PTPN4: variants seen among roughly 807,000 people sequenced by gnomAD.
PTPN4 encodes protein tyrosine phosphatase non-receptor type 4, also known as tyrosine-protein phosphatase non-receptor type 4.
A neutral mutation model predicts 135.5 loss-of-function variants in PTPN4; 49 were observed. The observed-to-expected ratio is 0.36, with a 90% CI of 0.29 to 0.46. The LOEUF is 0.46. PTPN4 is among the 20% of genes least tolerant of loss of function. PTPN4 has a pLI of 1.00. For synonymous variants in PTPN4, 333 were observed against 369.9 expected, an observed-to-expected ratio of 0.90 and a Z score of 1.14; for missense variants, 860 against 1,101.0, an observed-to-expected ratio of 0.78 and a Z score of 3.10.
intron 26 of PTPN4, among the ~76,000 whole-genome samples, chr2:119,976,059 G>A (rs1444483888): frequency 5.4e-5 from 8 of 148,592 alleles, no homozygotes; most frequent in African/African-American, 1.0e-4. Flanking sequence ...ACAGTGGCGC[G>A]ATCTCGGCTC....
intron 2 of PTPN4, among the ~76,000 whole-genome samples, chr2:119,817,930 A>G (rs1384745649): frequency 6.6e-6 from 1 of 152,076 alleles, no homozygotes; most frequent in Non-Finnish European, 1.5e-5. Flanking sequence ...GCGGTTGTGA[A>G]TGGGAGTTCA....
At chr2:119,807,652 C>T (rs951891377) in intron 1 of PTPN4, among the ~76,000 whole-genome samples, 7 of 152,190 alleles carry the variant, frequency 4.6e-5, no homozygotes, top group African/African-American at 9.6e-5. Context: ...AGTTACAAAG[C>T]GGAGCTCGTA....
chr2:119,802,407 G>A (rs1378553544), intron 1 of PTPN4, among the ~76,000 whole-genome samples: 1 of 152,132 alleles, frequency 6.6e-6, no homozygotes, highest in Non-Finnish European at 1.5e-5. Context: ...AGTTTTCTAA[G>A]AATTTTTTAT....
At chr2:119,873,176 T>TG (rs1346867077) in intron 3 of PTPN4, among the ~76,000 whole-genome samples, 2 of 151,930 alleles carry the variant, frequency 1.3e-5, no homozygotes, top group Non-Finnish European at 2.9e-5. Context: ...TGGGTTTTTT[T>TG]TTTTTGTTGT....
At chr2:119,942,722 A>G (rs967510004) in intron 15 of PTPN4, among the ~76,000 whole-genome samples, 1 of 152,146 alleles carries the variant, frequency 6.6e-6, no homozygotes, top group African/African-American at 2.4e-5. Context: ...GCCTTTTAAA[A>G]ATGTTGCATC....
At chr2:119,946,872 C>T (rs1023562391) in intron 18 of PTPN4, among the ~76,000 whole-genome samples, 10 of 151,990 alleles carry the variant, frequency 6.6e-5, no homozygotes, top group African/African-American at 2.2e-4. Context: ...GGTATAGTTT[C>T]GTGGGGGTTT....
At position 119,976,989 on chromosome 2, in the gene PTPN4, A is replaced by G. The variant is rs1679627240; in HGVS notation, c.2700A>G (p.Gln900=). ...TTTTATATTTTATTTTTCAGAGTCA[A>G]TACAGATTTGTATGTGAAGCTATTT... The part of the protein sequence containing the change: ...QRAMMIQTPS[Q]YRFVCEAILK... Residue 900 remains glutamine (Q), a synonymous_variant, in exon 27 of 27, where the codon CAA becomes CAG. Transcript: ENST00000263708. The G allele has an allele frequency of 4.4e-6, 7 of 1,607,216 alleles. No homozygotes were observed. Among genetic ancestry groups the G allele is most frequent in the Non-Finnish European group, 4.2e-6 (5 of 1,178,268 alleles).
In PTPN4 at chr2:119,914,248, A is replaced by ATTTTTTTTTTTTTTTTTTTTTTT. The variant is rs55911315; in HGVS notation, c.765-925_765-903dup. 1.2e-4 allele frequency among the ~76,000 whole-genome samples: 12 copies of ATTTTTTTTTTTTTTTTTTTTTTT among 97,430 alleles called. 3 individuals carry two copies. Among genetic ancestry groups the ATTTTTTTTTTTTTTTTTTTTTTT allele is most frequent in the African/African-American group, 7.0e-4 (12 of 17,038 alleles). 63.9% of individuals were successfully genotyped at this position (97,430 alleles called of 152,430 possible). Reference sequence around the variant, plus strand: ...CATAAATACAGTCAATAGTTACTCAATTTTTTTTTTTTTTTTTTTTTTTTT... The same window carrying ATTTTTTTTTTTTTTTTTTTTTTT: ...CATAAATACAGTCAATAGTTACTCAATTTTTTTTTTTTTTTTTTTTTTTTTTTTTTTTTTTTTTTTTTTTTTTT... On this transcript the variant is annotated intron_variant, in intron 10 of 26. Coordinates refer to ENST00000263708, the MANE Select transcript of PTPN4 (RefSeq NM_002830.4).
In PTPN4 at chr2:119,926,605, A is replaced by G; in HGVS notation, c.1009A>G (p.Thr337Ala). The G allele has an allele frequency of 1.3e-6, 2 of 1,593,884 alleles. No homozygotes were observed. The highest frequency in any genetic ancestry group is 1.7e-6 in the Non-Finnish European group (2 of 1,167,104). The stretch of plus-strand genomic sequence containing the variant: ...CATATTTATATATTTCAGTGGGAGA[A>G]CTGAAGTCCAATCAGTTCAGTATGG... ...LGSKFRYCGR[T>A]EVQSVQYGKE... Residue 337 changes from threonine to alanine, a missense_variant, in exon 13 of 27, where the codon ACT becomes GCT. This residue lies in a region of PTPN4 where 684 missense variants were observed against 807.0 expected (regional missense o/e 0.85). Transcript: ENST00000263708.
chr2:119,895,848 C>T (rs1464771215), intron 9 of PTPN4, among the ~76,000 whole-genome samples: 3 of 149,090 alleles, frequency 2.0e-5, no homozygotes, highest in Admixed American at 6.7e-5. Flanking sequence ...ACCCAGGAGG[C>T]GGAGCTTGCA....
intron 1 of PTPN4, among the ~76,000 whole-genome samples, chr2:119,775,205 T>C (rs749157859): frequency 6.6e-6 from 1 of 151,854 alleles, no homozygotes; most frequent in African/African-American, 2.4e-5. Flanking sequence ...CTCCACTGTT[T>C]TGTGCAAATG....
At chr2:119,805,803 TC>T (rs1200923157) in intron 1 of PTPN4, among the ~76,000 whole-genome samples, 1 of 152,228 alleles carries the variant, frequency 6.6e-6, no homozygotes, top group Non-Finnish European at 1.5e-5. Context: ...AGTAGTTTTT[TC>T]CAGTTCTGCA....
intron 1 of PTPN4, among the ~76,000 whole-genome samples, chr2:119,770,332 T>A (rs987627482): frequency 2.0e-5 from 3 of 152,212 alleles, no homozygotes; most frequent in African/African-American, 7.2e-5. Context: ...ATTACCATAA[T>A]TCTCAGACTT....
At chr2:119,906,441 A>T (rs1485067343) in intron 10 of PTPN4, among the ~76,000 whole-genome samples, 1 of 152,092 alleles carries the variant, frequency 6.6e-6, no homozygotes, top group Non-Finnish European at 1.5e-5. Flanking sequence ...CGTGAAAAAG[A>T]AACATTTTTC....
chr2:119,932,909 A>G (rs1184113766), intron 14 of PTPN4, among the ~76,000 whole-genome samples: 1 of 152,134 alleles, frequency 6.6e-6, no homozygotes, highest in Non-Finnish European at 1.5e-5. Flanking sequence ...CAGAATTTCT[A>G]GGGGAGCATA....
chr2:119,823,602 T>G (rs1367298882), intron 2 of PTPN4, among the ~76,000 whole-genome samples: 1 of 152,226 alleles, frequency 6.6e-6, no homozygotes, highest in Non-Finnish European at 1.5e-5. Flanking sequence ...CACTTTCAAT[T>G]ATTTCGTGGT....
At chr2:119,803,275 G>C (rs530749694) in intron 1 of PTPN4, among the ~76,000 whole-genome samples, 1 of 152,194 alleles carries the variant, frequency 6.6e-6, no homozygotes, top group South Asian at 2.1e-4. Context: ...TTAGATTACT[G>C]ATTTGAGACA....
intron 26 of PTPN4, among the ~76,000 whole-genome samples, chr2:119,971,809 T>C (rs1679538381): frequency 6.6e-6 from 1 of 152,266 alleles, no homozygotes; most frequent in African/African-American, 2.4e-5. Flanking sequence ...CATTTTGAGC[T>C]AATTATTGTG....
chr2:119,956,638 T>C (rs1296340024), intron 20 of PTPN4, among the ~76,000 whole-genome samples: 2 of 152,220 alleles, frequency 1.3e-5, no homozygotes, highest in Admixed American at 6.5e-5. Context: ...TTTCAAAATA[T>C]GACACATAAT....
Sources: allele counts gnomAD v4.1 joint callset (sites outside exome capture counted in the v4.1 genomes callset), GRCh38; gene constraint gnomAD v4.1.1; regional missense constraint gnomAD v4.1.1; transcripts MANE v1.5; gene names NCBI Gene and HGNC (gene_info 2026-07-23, HGNC 2026-07-21).